Variants in FAS observed in about 807,000 individuals in gnomAD.
FAS encodes the protein tumor necrosis factor receptor superfamily member 6.
Under a neutral mutation model 33.2 loss-of-function variants are expected in FAS, and 5 were observed. That is an observed-to-expected ratio of 0.15 (90% CI 0.08 to 0.32). FAS has a LOEUF of 0.32. Ranked by LOEUF, FAS falls within the 10% of genes least tolerant of loss-of-function variation. FAS has a pLI of 1.00. For synonymous variants in FAS, 131 were observed against 130.7 expected, an observed-to-expected ratio of 1.00 and a Z score of -0.01; for missense variants, 339 against 386.0, an observed-to-expected ratio of 0.88 and a Z score of 1.02.
intron 1 of FAS, chr10:88,973,158 C>G: frequency 6.2e-7 from 1 of 1,600,968 alleles, no homozygotes; most frequent in Non-Finnish European, 8.5e-7. Flanking sequence ...CTCTCACCTT[C>G]CCTTTCTTCT....
intron 1 of FAS, among the ~76,000 whole-genome samples, chr10:88,993,467 T>C (rs1847392830): frequency 6.6e-6 from 1 of 152,198 alleles, no homozygotes; most frequent in Non-Finnish European, 1.5e-5. Context: ...TGGATTTTTA[T>C]TTTATTGGGC....
At chr10:89,003,769 A>G (rs938870217) in intron 2 of FAS, among the ~76,000 whole-genome samples, 5 of 152,230 alleles carry the variant, frequency 3.3e-5, no homozygotes, top group African/African-American at 9.6e-5. Flanking sequence ...TCCTTCAAAC[A>G]CTGGTAAATT....
At chr10:88,968,963 T>C (rs907016225) in intron 1 of FAS, among the ~76,000 whole-genome samples, 1 of 152,004 alleles carries the variant, frequency 6.6e-6, no homozygotes, top group African/African-American at 2.4e-5. Context: ...TTATTTGATG[T>C]CTCCCCCCAA....
At chr10:88,965,190 A>G (rs1846298876) in intron 1 of FAS, among the ~76,000 whole-genome samples, 2 of 152,146 alleles carry the variant, frequency 1.3e-5, no homozygotes, top group South Asian at 4.1e-4. Flanking sequence ...GTAAGCTCTT[A>G]TATTTTCTCA....
chr10:89,009,114 C>T (rs1848399032), intron 4 of FAS, 117 bp downstream of exon 4: 4 of 976,028 alleles, frequency 4.1e-6, no homozygotes, highest in Non-Finnish European at 6.6e-6. Context: ...TGCTTTGCCT[C>T]CAAGCAACTA....
intron 1 of FAS, among the ~76,000 whole-genome samples, chr10:88,995,056 A>C (rs945964640): frequency 4.6e-5 from 7 of 150,994 alleles, no homozygotes; most frequent in Non-Finnish European, 1.0e-4. Context: ...CAACACTACA[A>C]TAGCCTTAGT....
rs767806688 is a variant in FAS, at chr10:89,013,357, A to G, written c.666A>G (p.Ile222Met). 7 of 1,611,914 alleles carry G rather than the reference A, an allele frequency of 4.3e-6. No individual in the cohort carries two copies. The highest frequency in any genetic ancestry group is 5.9e-6 in the Non-Finnish European group (7 of 1,179,016). The part of the protein sequence containing the change: ...SPTLNPETVA[I>M]NLSDVDLSKY... ...TTGCTTTCTAGGAAACAGTGGCAAT[A>G]AATTTATCTGGTAAGGCTTTTATCA... The change falls in exon 8 of 9, where the codon ATA becomes ATG. Residue 222 changes from isoleucine (I) to methionine (M), a missense_variant. By Grantham distance (10) the Ile-to-Met change is conservative. This residue lies in a region of FAS where 276 missense variants were observed against 300.1 expected (regional missense o/e 0.92). Transcript: ENST00000652046.
chr10:88,984,177 A>G (rs1184279012), upstream of FAS, among the ~76,000 whole-genome samples: 1 of 152,236 alleles, frequency 6.6e-6, no homozygotes, highest in Non-Finnish European at 1.5e-5. Flanking sequence ...AAGTTATAAC[A>G]TCGGGAGAAT....
rs999841979 is a variant in FAS, at chr10:89,017,039, T to C, written c.*2589T>C. ...GTAATTTTCCTCAGCACTTTAAAAA[T>C]ATTAAACCATGTTTTCTTAACATCT... On this transcript the variant is annotated 3_prime_UTR_variant, in exon 9 of 9. Transcript: ENST00000652046. 5.6e-6 allele frequency: 1 copy of C among 178,310 alleles called. No individual in the cohort carries two copies. The highest frequency in any genetic ancestry group is 6.3e-5 in the Admixed American group (1 of 15,842). 11.0% of individuals were successfully genotyped at this position (178,310 alleles called of 1,614,324 possible). A position where few individuals can be genotyped will look rare whatever the true frequency, so the allele number is the denominator to read the frequency against.
At position 88,990,803 on chromosome 10, in the gene FAS, C is replaced by T. The variant is rs1439962148; in HGVS notation, c.-74C>T. ...GGCTGCCCAGGCGGAGCTGCCTCTT[C>T]TCCCGCGGGTTGGTGGACCCGCTCA... On this transcript the variant is annotated 5_prime_UTR_variant, in exon 1 of 9. Coordinates refer to ENST00000652046, the MANE Select transcript of FAS (RefSeq NM_000043.6). The surrounding 1 kb of genome is among the most constrained non-coding windows in gnomAD (Gnocchi z 4.9). The T allele has an allele frequency of 6.2e-7, 1 of 1,604,324 alleles. No homozygotes were observed. The highest frequency in any genetic ancestry group is 8.5e-7 in the Non-Finnish European group (1 of 1,171,374).
At position 88,991,052 on chromosome 10, in the gene FAS, T is replaced by G. The variant is rs1477683332; in HGVS notation, c.30+146T>G. ...AGCGGCGGGCTGCTGCGGGAGGCGT[T>G]GGAGACTGGCTCCCGGGGGCTGTTA... On this transcript the variant is annotated intron_variant, in intron 1 of 8. Transcript: ENST00000652046. 4 of 1,049,038 alleles carry G rather than the reference T, an allele frequency of 3.8e-6. No homozygotes were observed. In the South Asian group the frequency reaches 5.5e-5, roughly 14 times the overall value. The allele number at this position is 1,049,038 out of a possible 1,614,324, so 65.0% of individuals were successfully genotyped here.
chr10:88,967,005 G>A (rs990657506), intron 1 of FAS, among the ~76,000 whole-genome samples: 7 of 152,152 alleles, frequency 4.6e-5, no homozygotes, highest in Non-Finnish European at 1.0e-4. Context: ...CAGGCTGTGT[G>A]CCAAGATCAG....
intron 1 of FAS, among the ~76,000 whole-genome samples, chr10:88,971,020 G>T (rs946903525): frequency 6.6e-6 from 1 of 152,082 alleles, no homozygotes; most frequent in Admixed American, 6.5e-5. Flanking sequence ...ATAATACTAA[G>T]ATGTAAAGGC....
At chr10:89,002,867 C>A in intron 1 of FAS, 162 bp from the exon 2 acceptor site, 2 of 728,880 alleles carry the variant, frequency 2.7e-6, no homozygotes, top group Non-Finnish European at 2.4e-6. Flanking sequence ...ATACAAGTGA[C>A]CTGCTGCTTT....
At chr10:88,985,464 C>T (rs1846849768), upstream of FAS, among the ~76,000 whole-genome samples, 1 of 152,240 alleles carries the variant, frequency 6.6e-6, no homozygotes, top group African/African-American at 2.4e-5. Context: ...CCACCTATGT[C>T]TCCTTTCTAC....
chr10:88,977,540 A>G (rs1256748766), intron 2 of FAS, among the ~76,000 whole-genome samples: 2 of 152,164 alleles, frequency 1.3e-5, no homozygotes, highest in Admixed American at 6.5e-5. Flanking sequence ...ATGAACTCAA[A>G]CAAATTTACA....
intron 1 of FAS, among the ~76,000 whole-genome samples, chr10:88,965,233 CT>C (rs1193023038): frequency 6.6e-6 from 1 of 152,052 alleles, no homozygotes; most frequent in Non-Finnish European, 1.5e-5. Context: ...AGGTTGTAAA[CT>C]TTTGGAGGCA....
intron 2 of FAS, among the ~76,000 whole-genome samples, chr10:88,976,216 C>T (rs142967951): frequency 0.012 from 1,853 of 152,110 alleles, 36 homozygotes; most frequent in African/African-American, 0.042. Flanking sequence ...AAAAAAAAAT[C>T]GCCAAAAATC....
At position 89,012,213 on chromosome 10, in the gene FAS, C is replaced by G. The variant is rs184241401; in HGVS notation, c.651+132C>G. ...TTTTGTTTGAGATGGAGTCTTGCTC[C>G]ATAGCCCAGGCTGGAGTGCAGGGGT... On this transcript the variant is annotated intron_variant, in intron 7 of 8. Transcript: ENST00000652046. The G allele has an allele frequency of 8.6e-5, 68 of 793,196 alleles. No homozygotes were observed. The Admixed American group carries it at 1.1e-3, about 13-fold the overall frequency. The allele number at this position is 793,196 out of a possible 1,614,324, so 49.1% of individuals were successfully genotyped here. A position where few individuals can be genotyped will look rare whatever the true frequency, so the allele number is the denominator to read the frequency against.
Sources: allele counts gnomAD v4.1 joint callset (sites outside exome capture counted in the v4.1 genomes callset), GRCh38; gene constraint gnomAD v4.1.1; regional missense constraint gnomAD v4.1.1; non-coding constraint Gnocchi (gnomAD v3.1); transcripts MANE v1.5; gene names NCBI Gene and HGNC (gene_info 2026-07-23, HGNC 2026-07-21).